The following ATRN variants were observed in gnomAD, a reference collection of about 807,000 sequenced individuals.
ATRN encodes attractin-2.
In ATRN, 54 loss-of-function variants were observed where a neutral mutation model predicts 178.7. The ratio of observed to expected loss-of-function variants is 0.30; its 90% CI spans 0.24 to 0.38. The LOEUF is 0.38. ATRN is among the 10% of genes least tolerant of loss of function. The pLI, the probability that ATRN is intolerant of heterozygous loss-of-function variation, is 1.00. For synonymous variants in ATRN, 636 were observed against 663.0 expected (o/e 0.96, Z 0.63); for missense variants, 1,443 against 1,815.1 (o/e 0.79, Z 3.73).
intron 1 of ATRN, among the ~76,000 whole-genome samples, chr20:3,513,905 G>A (rs1377206418): frequency 1.3e-5 from 2 of 152,022 alleles, no homozygotes; most frequent in African/African-American, 4.8e-5. Flanking sequence ...GTCTGTTATT[G>A]GTGTATAAGA....
chr20:3,481,989 CT>C (rs1366984467), intron 1 of ATRN, among the ~76,000 whole-genome samples: 2 of 151,450 alleles, frequency 1.3e-5, no homozygotes, highest in Non-Finnish European at 2.9e-5. Flanking sequence ...CTCCCTTGAC[CT>C]GTGTTTTCTA....
rs2086995474 is a variant in ATRN at position 3,632,347 on chromosome 20, C to T, written c.3864-1964C>T. 6.6e-6 allele frequency among the ~76,000 whole-genome samples: 1 copy of T among 152,112 alleles called. No homozygotes were observed. Among genetic ancestry groups the T allele is most frequent in the Non-Finnish European group, 1.5e-5 (1 of 68,030 alleles). On this transcript the variant is annotated intron_variant, in intron 25 of 28. Transcript: ENST00000262919. The surrounding 1 kb of genome is among the most constrained non-coding windows in gnomAD (Gnocchi z 4.2). ...TTTAAAAACCTGCACTGGCTCTTTC[C>T]CAATGCCCTCATAATGCTTGCAGTG...
At chr20:3,486,000 C>T (rs1031187877) in intron 1 of ATRN, among the ~76,000 whole-genome samples, 1 of 152,094 alleles carries the variant, frequency 6.6e-6, no homozygotes, top group African/African-American at 2.4e-5. Flanking sequence ...TGTCTTCACC[C>T]TTGAATGCTC....
chr20:3,565,543 G>A, intron 11 of ATRN, 111 bp downstream of exon 11: 1 of 817,642 alleles, frequency 1.2e-6, no homozygotes, highest in Non-Finnish European at 2.0e-6. Context: ...CGAGGCGGGT[G>A]GAATACGAGG....
At chr20:3,590,783 T>C (rs1312748110) in intron 18 of ATRN, among the ~76,000 whole-genome samples, 1 of 152,178 alleles carries the variant, frequency 6.6e-6, no homozygotes, top group Non-Finnish European at 1.5e-5. Flanking sequence ...AATTATGTTC[T>C]TCTGGTATAG....
chr20:3,609,706 A>ATGTGTG (rs1221871419), intron 24 of ATRN, among the ~76,000 whole-genome samples: 1 of 120,080 alleles, frequency 8.3e-6, no homozygotes, highest in Non-Finnish European at 1.7e-5. Context: ...AAAATGTGGT[A>ATGTGTG]TGTATGTATG....
chr20:3,546,256 G>A (rs970685629), intron 4 of ATRN, among the ~76,000 whole-genome samples: 2 of 152,116 alleles, frequency 1.3e-5, no homozygotes, highest in African/African-American at 4.8e-5. Context: ...TCATGTACTC[G>A]ATAGTAGAAG....
At chr20:3,629,771 C>A (rs1370100050) in intron 25 of ATRN, among the ~76,000 whole-genome samples, 2 of 152,116 alleles carry the variant, frequency 1.3e-5, no homozygotes, top group Non-Finnish European at 2.9e-5. Flanking sequence ...CGTAGAATTA[C>A]AGTTTTATTA....
At chr20:3,574,975 T>TTC (rs1418833944) in intron 12 of ATRN, among the ~76,000 whole-genome samples, 1 of 151,522 alleles carries the variant, frequency 6.6e-6, no homozygotes, top group African/African-American at 2.4e-5. Flanking sequence ...TTTTTTTTTT[T>TTC]CAGACAGAGT....
intron 1 of ATRN, among the ~76,000 whole-genome samples, chr20:3,505,257 C>CT (rs1311870894): frequency 2.0e-5 from 3 of 152,212 alleles, no homozygotes; most frequent in African/African-American, 7.2e-5. Flanking sequence ...GTCTTCTCCT[C>CT]TCCTTGGAAA....
chr20:3,621,763 C>T (rs1320326672), intron 24 of ATRN, among the ~76,000 whole-genome samples: 1 of 151,378 alleles, frequency 6.6e-6, no homozygotes, highest in Non-Finnish European at 1.5e-5. Context: ...AAAATGAAAC[C>T]AAAAAGTATG....
At chr20:3,616,904 G>A (rs1248029751) in intron 24 of ATRN, among the ~76,000 whole-genome samples, 1 of 151,592 alleles carries the variant, frequency 6.6e-6, no homozygotes, top group South Asian at 2.1e-4. Flanking sequence ...CTCCACAGCA[G>A]AGTGTCTGTT....
At chr20:3,518,411 A>G (rs539573110) in intron 1 of ATRN, among the ~76,000 whole-genome samples, 11 of 152,340 alleles carry the variant, frequency 7.2e-5, no homozygotes, top group African/African-American at 2.6e-4. Context: ...ACACGAAAAG[A>G]CACATGGTTG....
chr20:3,553,158 A>C (rs1310521561), intron 6 of ATRN, among the ~76,000 whole-genome samples: 1 of 152,108 alleles, frequency 6.6e-6, no homozygotes, highest in South Asian at 2.1e-4. Flanking sequence ...TAGTGCTGCC[A>C]CCATGAGAAG....
chr20:3,615,464 C>T (rs915669673), intron 24 of ATRN, among the ~76,000 whole-genome samples: 4 of 151,598 alleles, frequency 2.6e-5, no homozygotes, highest in African/African-American at 9.7e-5. Context: ...ATGATGAAAC[C>T]CACAAGGCTG....
intron 1 of ATRN, among the ~76,000 whole-genome samples, chr20:3,479,270 G>C (rs1414688019): frequency 6.6e-6 from 1 of 152,170 alleles, no homozygotes; most frequent in Non-Finnish European, 1.5e-5. Flanking sequence ...TAGGTACTGT[G>C]CCCTTCCTTG....
intron 1 of ATRN, chr20:3,490,195 G>T: frequency 6.6e-7 from 1 of 1,519,070 alleles, no homozygotes; most frequent in Non-Finnish European, 9.1e-7. Flanking sequence ...TCTACGGTCC[G>T]CCACATTTCA....
At chr20:3,582,443 A>C (rs890344422) in intron 16 of ATRN, 89 bp downstream of exon 16, 1 of 1,197,340 alleles carries the variant, frequency 8.4e-7, no homozygotes, top group African/African-American at 1.5e-5. Flanking sequence ...TGTGTGAAGT[A>C]GTCATGAAAA....
At position 3,594,522 on chromosome 20, in the gene ATRN, G is replaced by A. The variant is rs760838528; in HGVS notation, c.3366G>A (p.Thr1122=). The change falls in exon 20 of 29, where the codon ACG becomes ACA. Residue 1122 remains threonine (T), a synonymous_variant. Transcript: ENST00000262919. ...ACGCGTCTCTGTGCAACACCAACAC[G>A]GGCAAGTGCTTCTGCACCACCAAGG... The part of the protein sequence containing the change: ...NGHASLCNTN[T]GKCFCTTKGV... The A allele has an allele frequency of 1.2e-6, 2 of 1,612,488 alleles. No individual in the cohort carries two copies. Among genetic ancestry groups the A allele is most frequent in the African/African-American group, 1.3e-5 (1 of 75,034 alleles).
Sources: allele counts gnomAD v4.1 joint callset (sites outside exome capture counted in the v4.1 genomes callset), GRCh38; gene constraint gnomAD v4.1.1; non-coding constraint Gnocchi (gnomAD v3.1); transcripts MANE v1.5; gene names NCBI Gene and HGNC (gene_info 2026-07-23, HGNC 2026-07-21).